Variants in SIPA1L2 observed in about 807,000 individuals in gnomAD.
SIPA1L2 encodes signal induced proliferation associated 1 like 2.
Under a neutral mutation model 163.9 loss-of-function variants are expected in SIPA1L2, and 56 were observed. That is an observed-to-expected ratio of 0.34 (90% CI 0.28 to 0.43). SIPA1L2 has a LOEUF of 0.43. Among genes scored for constraint, SIPA1L2 ranks in the 20% least tolerant of loss-of-function variants. The probability of loss-of-function intolerance (pLI) is 1.00; values close to 1 mark genes in which losing one functional copy is unlikely to be tolerated. For missense variants in SIPA1L2, 1,974 were observed against 2,193.5 expected (o/e 0.90, Z 2.00); for synonymous variants, 877 against 865.7 (o/e 1.01, Z -0.23).
chr1:232,497,673 C>T lies in SIPA1L2; in HGVS notation c.1484-4013G>A, dbSNP rs74658765. On this transcript the variant is annotated intron_variant, in intron 3 of 22. Coordinates refer to ENST00000674635, the MANE Select transcript of SIPA1L2 (RefSeq NM_020808.5). ...TTGGCTGGGGCCCTCTACTCCTCCA[C>T]TACTATGGCATCTCCCTTCCAGGTG... Among the ~76,000 whole-genome samples, 1,517 of 152,320 alleles carry T rather than the reference C, an allele frequency of 1.0e-2. 15 individuals are homozygous for T. Among genetic ancestry groups the T allele is most frequent in the Admixed American group, 0.03 (454 of 15,304 alleles).
intron 16 of SIPA1L2, among the ~76,000 whole-genome samples, chr1:232,431,776 A>ATCC (rs1219615861): frequency 2.6e-5 from 4 of 152,240 alleles, no homozygotes; most frequent in Non-Finnish European, 4.4e-5. Context: ...GATACAAAGC[A>ATCC]TCCTTTCCTA....
chr1:232,457,445 C>T (rs570201948), intron 10 of SIPA1L2, among the ~76,000 whole-genome samples: 2 of 152,236 alleles, frequency 1.3e-5, no homozygotes, highest in African/African-American at 4.8e-5. Context: ...TTAAAAACTA[C>T]TGTAAAAATG....
At chr1:232,541,233 C>CATTA (rs1657641341) in intron 2 of SIPA1L2, among the ~76,000 whole-genome samples, 1 of 135,280 alleles carries the variant, frequency 7.4e-6, no homozygotes, top group Non-Finnish European at 1.6e-5. Context: ...TGTATCACAT[C>CATTA]ACATAACATA....
At chr1:232,411,017 T>C (rs1381223541) in intron 19 of SIPA1L2, among the ~76,000 whole-genome samples, 1 of 152,164 alleles carries the variant, frequency 6.6e-6, no homozygotes, top group Non-Finnish European at 1.5e-5. Context: ...AGAAATTTTC[T>C]GGGTAAATAA....
intron 2 of SIPA1L2, among the ~76,000 whole-genome samples, chr1:232,541,293 T>TA (rs906922558): frequency 2.7e-5 from 4 of 148,542 alleles, no homozygotes; most frequent in African/African-American, 1.0e-4. Context: ...TAACATAACA[T>TA]AACATAACAG....
intron 15 of SIPA1L2, among the ~76,000 whole-genome samples, chr1:232,434,366 C>T (rs541720312): frequency 2.0e-5 from 3 of 152,214 alleles, no homozygotes; most frequent in Non-Finnish European, 2.9e-5. Flanking sequence ...ATTAACCAAC[C>T]AACAAACAAA....
At chr1:232,470,900 A>G (rs12144724) in intron 8 of SIPA1L2, among the ~76,000 whole-genome samples, 38,247 of 152,080 alleles carry the variant, frequency 0.25, 4,939 homozygotes, top group Admixed American at 0.35. Flanking sequence ...GTAGTGGTTA[A>G]GTATAAAAGC....
intron 1 of SIPA1L2, among the ~76,000 whole-genome samples, chr1:232,604,810 C>CT (rs1284645944): frequency 6.6e-6 from 1 of 151,984 alleles, no homozygotes; most frequent in Non-Finnish European, 1.5e-5. Context: ...CACATAACCC[C>CT]TCTCCTCTCT....
Position 232,402,455 on chromosome 1 carries a change from T to C in SIPA1L2, c.4959A>G (p.Pro1653=). The C allele has an allele frequency of 6.2e-7, 1 of 1,613,524 alleles. No individual in the cohort carries two copies. The highest frequency in any genetic ancestry group is 8.5e-7 in the Non-Finnish European group (1 of 1,179,556). ...MDTTGERSPS[P]LTGKVNQLEL... Reference sequence around the variant, plus strand: ...CCAGCTGATTGACTTTCCCGGTCAGTGGTGATGGAGAACGCTCCCTAGCAA... The same window carrying C: ...CCAGCTGATTGACTTTCCCGGTCAGCGGTGATGGAGAACGCTCCCTAGCAA... Residue 1653 remains proline, a synonymous_variant, in exon 22 of 23, where the codon CCA becomes CCG. Transcript: ENST00000674635.
At chr1:232,564,196 A>T (rs1573090351) in intron 2 of SIPA1L2, among the ~76,000 whole-genome samples, 1 of 74,208 alleles carries the variant, frequency 1.3e-5, no homozygotes, top group Non-Finnish European at 2.3e-5. Flanking sequence ...GTGTTTCATC[A>T]TGTTGGCCAG....
At position 232,557,357 on chromosome 1, in the gene SIPA1L2, A is replaced by G. The variant is rs79754770; in HGVS notation, c.-270+16817T>C. ...CTTGAGAGTTCAGGCGCTTTTCAATAGTGGAAGCCACATACAGCAGGGGTA... is the reference window on the plus strand; with the variant it reads ...CTTGAGAGTTCAGGCGCTTTTCAATGGTGGAAGCCACATACAGCAGGGGTA... On this transcript the variant is annotated intron_variant, in intron 2 of 22. Coordinates refer to ENST00000674635, the MANE Select transcript of SIPA1L2 (RefSeq NM_020808.5). 4.7e-3 allele frequency among the ~76,000 whole-genome samples: 713 copies of G among 152,304 alleles called. 7 individuals carry two copies. The highest frequency in any genetic ancestry group is 0.017 in the African/African-American group (686 of 41,554).
In SIPA1L2 at chr1:232,398,517, T is replaced by C. The variant is rs1398505101; in HGVS notation, c.*610A>G. On this transcript the variant is annotated 3_prime_UTR_variant, in exon 23 of 23. Transcript: ENST00000674635. ...TTGTTCCTGCAAATAAATAAGTCTC[T>C]AAGGTAACTGCATCTGAACTAGTGT... The C allele has an allele frequency of 6.6e-6, 1 of 152,534 alleles. No individual in the cohort carries two copies. Among genetic ancestry groups the C allele is most frequent in the African/African-American group, 2.4e-5 (1 of 41,410 alleles). The allele number at this position is 152,534 out of a possible 1,614,324, so 9.4% of individuals were successfully genotyped here.
chr1:232,435,066 G>A (rs891892857), intron 15 of SIPA1L2, among the ~76,000 whole-genome samples: 5 of 152,032 alleles, frequency 3.3e-5, no homozygotes, highest in Admixed American at 1.3e-4. Context: ...TCCACTACCC[G>A]TGTGTCTCAT....
intron 16 of SIPA1L2, among the ~76,000 whole-genome samples, chr1:232,431,978 C>T (rs1226971782): frequency 6.6e-6 from 1 of 152,152 alleles, no homozygotes; most frequent in South Asian, 2.1e-4. Context: ...ATACTCACAC[C>T]ATCAGCAGCA....
At chr1:232,590,088 A>G (rs1436589397) in intron 1 of SIPA1L2, among the ~76,000 whole-genome samples, 1 of 152,126 alleles carries the variant, frequency 6.6e-6, no homozygotes, top group Non-Finnish European at 1.5e-5. Flanking sequence ...CAGCAACGCA[A>G]TCCGGGAATT....
intron 6 of SIPA1L2, among the ~76,000 whole-genome samples, chr1:232,480,139 CTG>C (rs150458742): frequency 4.6e-5 from 6 of 131,130 alleles, no homozygotes; most frequent in South Asian, 2.4e-4. Context: ...CTGGCCGCAT[CTG>C]TGTGTGTGTG....
chr1:232,533,654 T>C (rs1385444850), intron 2 of SIPA1L2, among the ~76,000 whole-genome samples: 1 of 152,196 alleles, frequency 6.6e-6, no homozygotes, highest in Non-Finnish European at 1.5e-5. Flanking sequence ...CACATACAGA[T>C]GTCCAAGGAA....
intron 1 of SIPA1L2, among the ~76,000 whole-genome samples, chr1:232,609,456 A>G (rs1006870214): frequency 1.5e-4 from 23 of 152,290 alleles, no homozygotes; most frequent in African/African-American, 5.5e-4. Flanking sequence ...TTAAAACAAA[A>G]CAGAGAAACC....
At chr1:232,563,375 C>T (rs1014146767) in intron 2 of SIPA1L2, among the ~76,000 whole-genome samples, 8 of 152,140 alleles carry the variant, frequency 5.3e-5, no homozygotes, top group Admixed American at 1.3e-4. Flanking sequence ...ACAGCCTACA[C>T]AAGAATATGA....
Sources: gnomAD v4.1 joint callset for allele counts (sites outside exome capture counted in the v4.1 genomes callset) on GRCh38, gnomAD v4.1.1 for gene constraint, MANE v1.5 for transcripts, NCBI Gene and HGNC (gene_info 2026-07-23, HGNC 2026-07-21) for gene names.